Variants in IARS1 observed in about 807,000 individuals in gnomAD.
The protein encoded by IARS1 is isoleucine--tRNA ligase, cytoplasmic.
Under a neutral mutation model 168.2 loss-of-function variants are expected in IARS1, and 124 were observed. The observed-to-expected ratio is 0.74, with a 90% CI of 0.64 to 0.86. The LOEUF (loss-of-function observed/expected upper bound fraction) is 0.86, where lower values mean the gene tolerates loss of function less well. IARS1 is among the 40% of genes least tolerant of loss of function. The pLI is 0.00. For synonymous variants in IARS1, 532 were observed against 529.4 expected, an observed-to-expected ratio of 1.00 and a Z score of -0.07; for missense variants, 1,452 against 1,515.8, an observed-to-expected ratio of 0.96 and a Z score of 0.70.
In IARS1 at chr9:92,210,675, C is replaced by G; in HGVS notation, c.*132G>C. ...TAATCAATCCCATTTGAATTTCAAT[C>G]CAAGCAGCATATTTTACACACACCT... On this transcript the variant is annotated 3_prime_UTR_variant, in exon 34 of 34. Transcript: ENST00000443024. 1.6e-6 allele frequency: 1 copy of G among 610,962 alleles called. No individual in the cohort carries two copies. The highest frequency in any genetic ancestry group is 3.0e-6 in the Non-Finnish European group (1 of 333,612). 37.8% of individuals were successfully genotyped at this position (610,962 alleles called of 1,614,324 possible). A position where few individuals can be genotyped will look rare whatever the true frequency, so the allele number is the denominator to read the frequency against.
At chr9:92,249,690 A>G (rs1829732092) in intron 25 of IARS1, among the ~76,000 whole-genome samples, 168 bp downstream of exon 25, 1 of 152,226 alleles carries the variant, frequency 6.6e-6, no homozygotes, top group African/African-American at 2.4e-5. Flanking sequence ...AAAGAATTAC[A>G]ACAAATTTAT....
chr9:92,272,868 A>AC (rs1475968939), intron 10 of IARS1, among the ~76,000 whole-genome samples: 208 of 147,130 alleles, frequency 1.4e-3, no homozygotes, highest in Middle Eastern at 3.4e-3. Context: ...ACAAAACAAA[A>AC]AAAAAAAAAA....
intron 20 of IARS1, among the ~76,000 whole-genome samples, chr9:92,255,930 T>A (rs955989074): frequency 6.6e-6 from 1 of 151,968 alleles, no homozygotes; most frequent in Non-Finnish European, 1.5e-5. Context: ...GTGATGGATA[T>A]CCCATTTACC....
At chr9:92,282,720 T>C (rs1269998615) in intron 6 of IARS1, among the ~76,000 whole-genome samples, 4 of 151,928 alleles carry the variant, frequency 2.6e-5, no homozygotes, top group African/African-American at 9.7e-5. Context: ...CAGTGAGCTG[T>C]GTTTGCACCA....
chr9:92,275,357 C>T (rs1228746688), intron 9 of IARS1, among the ~76,000 whole-genome samples: 1 of 152,170 alleles, frequency 6.6e-6, no homozygotes, highest in Non-Finnish European at 1.5e-5. Flanking sequence ...ACACAACCAG[C>T]AATGATGAAG....
intron 14 of IARS1, 140 bp downstream of exon 14, chr9:92,268,034 T>C: frequency 1.1e-6 from 1 of 895,546 alleles, no homozygotes; most frequent in Non-Finnish European, 1.6e-6. Context: ...GTCATGATTC[T>C]AGAAAGGAAT....
chr9:92,291,652 GTGTT>G (rs1441984025), intron 1 of IARS1, among the ~76,000 whole-genome samples: 2 of 152,194 alleles, frequency 1.3e-5, no homozygotes, highest in Admixed American at 6.5e-5. Flanking sequence ...ACCAAAATAA[GTGTT>G]TGTGCATTTA....
chr9:92,273,808 G>A (rs543576240), intron 10 of IARS1, among the ~76,000 whole-genome samples: 3 of 152,286 alleles, frequency 2.0e-5, no homozygotes, highest in East Asian at 1.9e-4. Context: ...CTGACAAAAC[G>A]ATCAAGCCTA....
intron 30 of IARS1, among the ~76,000 whole-genome samples, chr9:92,236,424 G>C (rs1827539485): frequency 6.6e-6 from 1 of 152,222 alleles, no homozygotes; most frequent in South Asian, 2.1e-4. Context: ...GAATTCTCCA[G>C]TGAAACTGGG....
At chr9:92,219,615 A>G (rs1175927) in intron 33 of IARS1, among the ~76,000 whole-genome samples, 16,891 of 151,314 alleles carry the variant, frequency 0.11, 1,032 homozygotes, top group South Asian at 0.21. Flanking sequence ...AAGGACATGA[A>G]CAGACACTTC....
intron 7 of IARS1, among the ~76,000 whole-genome samples, 198 bp downstream of exon 7, chr9:92,280,548 A>C (rs1176504984): frequency 6.6e-6 from 1 of 152,234 alleles, no homozygotes; most frequent in East Asian, 1.9e-4. Context: ...TACTTTTTAT[A>C]TCTCTGTACT....
chr9:92,271,708 A>G, intron 10 of IARS1, 53 bp from the exon 11 acceptor site: 1 of 1,578,312 alleles, frequency 6.3e-7, no homozygotes, highest in Non-Finnish European at 8.7e-7. Context: ...TATGGGTGTG[A>G]GCATGAGGTA....
intron 33 of IARS1, among the ~76,000 whole-genome samples, chr9:92,212,301 G>A (rs1837891960): frequency 6.6e-6 from 1 of 152,008 alleles, no homozygotes; most frequent in Admixed American, 6.6e-5. Flanking sequence ...TAATGAAAAC[G>A]AAGCTATAGA....
In IARS1 at chr9:92,251,824, G is replaced by A. The variant is rs1489656391; in HGVS notation, c.2291C>T (p.Ser764Phe). ...ALETLFSVLL[S>F]LCRLMAPYTP... ...TCATCTTACCATAAGTCTGCAAAGAGAAAGCAGAACACTAAACAAGGTTTC... is the reference window on the plus strand; with the variant it reads ...TCATCTTACCATAAGTCTGCAAAGAAAAAGCAGAACACTAAACAAGGTTTC... Residue 764 changes from serine (S) to phenylalanine (F), a missense_variant, in exon 22 of 34, where the codon TCT becomes TTT. Ser to Phe is a radical substitution (Grantham distance 155, BLOSUM62 -2). Transcript: ENST00000443024. 6.2e-7 allele frequency: 1 copy of A among 1,613,534 alleles called. No homozygotes were observed. The highest frequency in any genetic ancestry group is 2.2e-5 in the East Asian group (1 of 44,890).
At chr9:92,225,947 G>A (rs1441075229) in intron 31 of IARS1, among the ~76,000 whole-genome samples, 1 of 152,246 alleles carries the variant, frequency 6.6e-6, no homozygotes, top group Non-Finnish European at 1.5e-5. Flanking sequence ...GGCCAGGAAT[G>A]TGTGCAACTC....
At chr9:92,283,001 C>A (rs967520656) in intron 6 of IARS1, among the ~76,000 whole-genome samples, 4 of 151,504 alleles carry the variant, frequency 2.6e-5, no homozygotes, top group Non-Finnish European at 4.4e-5. Flanking sequence ...ACTAAAGGTT[C>A]ACGCCACCAC....
chr9:92,278,855 T>C (rs1461355834), intron 7 of IARS1, among the ~76,000 whole-genome samples: 2 of 152,234 alleles, frequency 1.3e-5, no homozygotes, highest in African/African-American at 2.4e-5. Context: ...CGCTATTTTA[T>C]AGAGGTACGA....
intron 7 of IARS1, among the ~76,000 whole-genome samples, chr9:92,278,843 G>T (rs999731188): frequency 1.3e-5 from 2 of 152,146 alleles, no homozygotes; most frequent in African/African-American, 4.8e-5. Context: ...AGCTCTATGG[G>T]ACGCTATTTT....
intron 7 of IARS1, among the ~76,000 whole-genome samples, chr9:92,279,426 A>T (rs374694208): frequency 4.6e-5 from 7 of 152,218 alleles, no homozygotes; most frequent in African/African-American, 1.2e-4. Flanking sequence ...AATTGTGCAG[A>T]TGGGACTGTC....
Sources: gnomAD v4.1 joint callset for allele counts (sites outside exome capture counted in the v4.1 genomes callset) on GRCh38, gnomAD v4.1.1 for gene constraint, MANE v1.5 for transcripts, NCBI Gene and HGNC (gene_info 2026-07-23, HGNC 2026-07-21) for gene names.